The following SLC14A2 variants were observed in gnomAD, a reference collection of about 807,000 sequenced individuals.
SLC14A2 encodes the protein urea transporter 2.
In SLC14A2, 91 loss-of-function variants were observed where a neutral mutation model predicts 104.6. The observed-to-expected ratio is 0.87, with a 90% CI of 0.73 to 1.04. SLC14A2 has a LOEUF of 1.04. Ranked by LOEUF, SLC14A2 falls within the 50% of genes least tolerant of loss-of-function variation. The probability of loss-of-function intolerance (pLI) is 0.00; values close to 1 mark genes in which losing one functional copy is unlikely to be tolerated. For missense variants in SLC14A2, 1,189 were observed against 1,156.0 expected (o/e 1.03, Z -0.41); for synonymous variants, 476 against 466.4 (o/e 1.02, Z -0.27).
intron 1 of SLC14A2, among the ~76,000 whole-genome samples, chr18:45,441,002 A>T (rs750732333): frequency 4.6e-5 from 7 of 152,076 alleles, no homozygotes; most frequent in Non-Finnish European, 7.4e-5. Flanking sequence ...CCATTGACTG[A>T]CTTCTCTATT....
intron 2 of SLC14A2, among the ~76,000 whole-genome samples, chr18:45,571,948 C>T (rs180685216): frequency 1.3e-5 from 2 of 152,340 alleles, no homozygotes; most frequent in Admixed American, 6.5e-5. Flanking sequence ...CCTGGCTGCA[C>T]ATTAGATCCA....
chr18:45,225,379 G>C (rs1018222142), intron 1 of SLC14A2, among the ~76,000 whole-genome samples: 1 of 152,116 alleles, frequency 6.6e-6, no homozygotes, highest in East Asian at 1.9e-4. Flanking sequence ...GTACCATGCT[G>C]TTTTGGTTAC....
rs868058125 is a variant in SLC14A2 at position 45,542,048 on chromosome 18, T to G, written c.-35+58726T>G. 8.6e-3 allele frequency among the ~76,000 whole-genome samples: 1,120 copies of G among 130,826 alleles called. 32 individuals carry two copies. The highest frequency in any genetic ancestry group is 0.033 in the African/African-American group (1,060 of 32,430). The allele number at this position is 130,826 out of a possible 152,430, so 85.8% of individuals were successfully genotyped here. ...GAAAGAGAGAGGGTTTTTTTTTTTT[T>G]TTTTTTTTTTTTTTTTTTTTTTTTG... On this transcript the variant is annotated intron_variant, in intron 2 of 20. Transcript: ENST00000586448.
the SLC14A2 span, among the ~76,000 whole-genome samples, chr18:45,205,894 C>T: frequency 6.6e-6 from 1 of 152,228 alleles, no homozygotes; most frequent in East Asian, 1.9e-4. Context: ...TGCAGGAGGA[C>T]AGCAGCATGG....
intron 2 of SLC14A2, among the ~76,000 whole-genome samples, chr18:45,516,824 T>C (rs1009656362): frequency 6.6e-6 from 1 of 152,032 alleles, no homozygotes; most frequent in Admixed American, 6.6e-5. Flanking sequence ...GATTAACCAG[T>C]GGGGGTTAAG....
intron 4 of SLC14A2, 149 bp from the exon 5 acceptor site, chr18:45,632,201 T>G: frequency 1.3e-6 from 1 of 790,622 alleles, no homozygotes; most frequent in South Asian, 1.8e-5. Context: ...GCTATGTGAC[T>G]GCCCAATATT....
chr18:45,657,488 G>GA (rs76314316), intron 10 of SLC14A2, among the ~76,000 whole-genome samples: 1,027 of 82,696 alleles, frequency 0.012, 17 homozygotes, highest in African/African-American at 0.035. Context: ...CTGTGTCAAG[G>GA]AAAAAAAAAA....
At chr18:45,429,204 T>TA (rs1401889029) in intron 1 of SLC14A2, among the ~76,000 whole-genome samples, 10 of 152,216 alleles carry the variant, frequency 6.6e-5, no homozygotes, top group African/African-American at 2.4e-4. Context: ...AATTACCTTA[T>TA]AAAACAGTAT....
rs538740585 is a variant in SLC14A2, at chr18:45,608,264, T to C, written c.-34-16367T>C. Among the ~76,000 whole-genome samples, 8 of 152,340 alleles carry C rather than the reference T, an allele frequency of 5.3e-5. No individual in the cohort carries two copies. In the South Asian group the frequency reaches 1.0e-3, roughly 20 times the overall value. On this transcript the variant is annotated intron_variant, in intron 2 of 20. Transcript: ENST00000586448. ...TCCACTCTCATTAAATCCCTGATGG[T>C]TGGAGTCTTTAGCACTTGTGAACAA...
rs926924722 is a variant in SLC14A2, at chr18:45,258,774, C to T, written c.-125+45583C>T. Among the ~76,000 whole-genome samples the T allele has an allele frequency of 5.4e-5, 8 of 148,884 alleles. 2 individuals carry two copies. Among genetic ancestry groups the T allele is most frequent in the Non-Finnish European group, 1.5e-5 (1 of 67,380 alleles). ...GTACTGAGATCATTGATCCCCATGA[C>T]AGCTCAGTGAGGGAGATGGAAGTTG... On this transcript the variant is annotated intron_variant, in intron 1 of 20. Transcript: ENST00000586448.
intron 1 of SLC14A2, among the ~76,000 whole-genome samples, chr18:45,230,775 A>C (rs761274902): frequency 6.6e-6 from 1 of 152,202 alleles, no homozygotes; most frequent in South Asian, 2.1e-4. Flanking sequence ...GAAATGTTGA[A>C]CTGAATCCAG....
intron 1 of SLC14A2, among the ~76,000 whole-genome samples, chr18:45,226,763 T>C (rs1222009940): frequency 6.6e-6 from 1 of 151,974 alleles, no homozygotes; most frequent in African/African-American, 2.4e-5. Flanking sequence ...CATGTATACA[T>C]ATGTAGCCTG....
At chr18:45,494,203 A>G (rs774572109) in intron 2 of SLC14A2, among the ~76,000 whole-genome samples, 2 of 152,210 alleles carry the variant, frequency 1.3e-5, no homozygotes, top group Non-Finnish European at 2.9e-5. Context: ...CCACCTTTCT[A>G]TCTGGACAGT....
At chr18:45,270,908 C>T (rs1250253085) in intron 1 of SLC14A2, among the ~76,000 whole-genome samples, 1 of 152,134 alleles carries the variant, frequency 6.6e-6, no homozygotes, top group African/African-American at 2.4e-5. Flanking sequence ...TGCAAAAATA[C>T]TCTAAAAAAG....
chr18:45,621,476 C>T (rs370411919), intron 1 of SLC14A2, among the ~76,000 whole-genome samples: 5 of 152,344 alleles, frequency 3.3e-5, no homozygotes, highest in African/African-American at 7.2e-5. Context: ...GGTGGCCCCA[C>T]GCTGTTCTGA....
At chr18:45,356,257 G>T (rs1013348060) in intron 1 of SLC14A2, among the ~76,000 whole-genome samples, 12 of 152,180 alleles carry the variant, frequency 7.9e-5, no homozygotes, top group Admixed American at 4.6e-4. Context: ...GACTGACACT[G>T]CTGGGTCTTA....
At chr18:45,394,643 A>T (rs1235361619) in intron 1 of SLC14A2, among the ~76,000 whole-genome samples, 2 of 152,054 alleles carry the variant, frequency 1.3e-5, no homozygotes, top group African/African-American at 4.8e-5. Flanking sequence ...GGCTATTTCT[A>T]TGTCTTCTTT....
At chr18:45,232,252 G>C (rs1408754850) in intron 1 of SLC14A2, among the ~76,000 whole-genome samples, 2 of 152,146 alleles carry the variant, frequency 1.3e-5, no homozygotes, top group Non-Finnish European at 2.9e-5. Context: ...GGAAGGTAAA[G>C]GGGAAGCAAG....
At chr18:45,239,844 C>G (rs916089748) in intron 1 of SLC14A2, among the ~76,000 whole-genome samples, 1 of 152,288 alleles carries the variant, frequency 6.6e-6, no homozygotes, top group Admixed American at 6.5e-5. Flanking sequence ...AACCAAAGAT[C>G]TTCATATAGA....
Sources: gnomAD v4.1 joint callset for allele counts (sites outside exome capture counted in the v4.1 genomes callset) on GRCh38, gnomAD v4.1.1 for gene constraint, MANE v1.5 for transcripts, NCBI Gene and HGNC (gene_info 2026-07-23, HGNC 2026-07-21) for gene names.